Variants in ADAMTS6 observed in about 807,000 individuals in gnomAD.
ADAMTS6 encodes the protein ADAM metallopeptidase with thrombospondin type 1 motif 6.
In ADAMTS6, 23 loss-of-function variants were observed where a neutral mutation model predicts 144.3. The ratio of observed to expected loss-of-function variants is 0.16; its 90% CI spans 0.11 to 0.23. ADAMTS6 has a LOEUF of 0.23. Among genes scored for constraint, ADAMTS6 ranks in the 10% least tolerant of loss-of-function variants. ADAMTS6 has a pLI of 1.00. For synonymous variants in ADAMTS6, 444 were observed against 457.5 expected (o/e 0.97, Z 0.38); for missense variants, 999 against 1,379.6 (o/e 0.72, Z 4.37).
At chr5:65,364,474 A>G (rs1195210968) in intron 7 of ADAMTS6, among the ~76,000 whole-genome samples, 1 of 152,010 alleles carries the variant, frequency 6.6e-6, no homozygotes, top group African/African-American at 2.4e-5. Flanking sequence ...TGGAGTTTTG[A>G]AACACAGCGC....
chr5:65,397,386 T>C (rs888709162), intron 7 of ADAMTS6, among the ~76,000 whole-genome samples: 1 of 152,210 alleles, frequency 6.6e-6, no homozygotes, highest in Admixed American at 6.5e-5. Context: ...CTTTATCTAG[T>C]TACCTAAAAT....
At chr5:65,401,094 T>A (rs1453373719) in intron 7 of ADAMTS6, among the ~76,000 whole-genome samples, 2 of 152,184 alleles carry the variant, frequency 1.3e-5, no homozygotes, top group East Asian at 3.9e-4. Context: ...TCAGTATGCC[T>A]TGTAATTTTT....
At chr5:65,423,783 A>T (rs1263384966) in intron 7 of ADAMTS6, among the ~76,000 whole-genome samples, 1 of 152,162 alleles carries the variant, frequency 6.6e-6, no homozygotes, top group Non-Finnish European at 1.5e-5. Context: ...ACAGAATGTA[A>T]ACTATCAACA....
chr5:65,276,139 G>A (rs1319166902), intron 11 of ADAMTS6, among the ~76,000 whole-genome samples: 1 of 152,128 alleles, frequency 6.6e-6, no homozygotes, highest in Non-Finnish European at 1.5e-5. Context: ...CAAAGTAGCA[G>A]GTGCTTAAGA....
chr5:65,397,780 G>A (rs892212346), intron 7 of ADAMTS6, among the ~76,000 whole-genome samples: 1 of 151,518 alleles, frequency 6.6e-6, no homozygotes, highest in Non-Finnish European at 1.5e-5. Context: ...AGGAGGTTGA[G>A]GTGGGAGGAT....
At chr5:65,160,532 C>T (rs1752699942) in intron 24 of ADAMTS6, among the ~76,000 whole-genome samples, 1 of 152,092 alleles carries the variant, frequency 6.6e-6, no homozygotes, top group Non-Finnish European at 1.5e-5. Flanking sequence ...TCTCAATCTC[C>T]TGACCTCGTG....
intron 7 of ADAMTS6, among the ~76,000 whole-genome samples, chr5:65,367,920 T>C (rs954323328): frequency 6.6e-6 from 1 of 151,934 alleles, no homozygotes; most frequent in Admixed American, 6.6e-5. Flanking sequence ...ATATGACCAA[T>C]CACATAAAAT....
At chr5:65,389,625 C>T (rs1415439556) in intron 7 of ADAMTS6, among the ~76,000 whole-genome samples, 1 of 151,380 alleles carries the variant, frequency 6.6e-6, no homozygotes, top group Non-Finnish European at 1.5e-5. Flanking sequence ...ATACATAGTA[C>T]CTAGCCAAAG....
At chr5:65,421,293 T>C (rs1756018353) in intron 7 of ADAMTS6, among the ~76,000 whole-genome samples, 1 of 152,218 alleles carries the variant, frequency 6.6e-6, no homozygotes, top group South Asian at 2.1e-4. Context: ...TTTGCTTGTC[T>C]GAAAAAGACT....
At chr5:65,242,674 C>G (rs1285644102) in intron 14 of ADAMTS6, among the ~76,000 whole-genome samples, 1 of 152,070 alleles carries the variant, frequency 6.6e-6, no homozygotes, top group Non-Finnish European at 1.5e-5. Context: ...ACTACTATAG[C>G]TATTTACTGT....
chr5:65,359,386 A>G (rs997728872), intron 7 of ADAMTS6, among the ~76,000 whole-genome samples: 3 of 152,218 alleles, frequency 2.0e-5, no homozygotes, highest in African/African-American at 4.8e-5. Context: ...TAGAATGGCT[A>G]TCATCAAATA....
intron 7 of ADAMTS6, among the ~76,000 whole-genome samples, chr5:65,398,846 A>AAG (rs1170490833): frequency 7.0e-6 from 1 of 143,728 alleles, no homozygotes; most frequent in East Asian, 2.2e-4. Context: ...GAAAGAAAGA[A>AAG]AGAAAAAGAA....
At chr5:65,401,648 G>A (rs1753924097) in intron 7 of ADAMTS6, among the ~76,000 whole-genome samples, 1 of 152,168 alleles carries the variant, frequency 6.6e-6, no homozygotes. Context: ...TCCTATCCCA[G>A]CACTGGTTTC....
chr5:65,155,807 G>C (rs1374968918), intron 24 of ADAMTS6, among the ~76,000 whole-genome samples: 4 of 152,160 alleles, frequency 2.6e-5, no homozygotes, highest in African/African-American at 9.6e-5. Flanking sequence ...TGACAACACT[G>C]ATAAATCAAC....
chr5:65,207,497 G>C (rs1756188980), intron 20 of ADAMTS6, among the ~76,000 whole-genome samples: 1 of 152,014 alleles, frequency 6.6e-6, no homozygotes, highest in South Asian at 2.1e-4. Flanking sequence ...TCAGTTAATG[G>C]GCTTTGGAAG....
chr5:65,298,202 C>T (rs1158157254), intron 10 of ADAMTS6, among the ~76,000 whole-genome samples: 1 of 151,998 alleles, frequency 6.6e-6, no homozygotes, highest in Non-Finnish European at 1.5e-5. Flanking sequence ...ACAACTGGTC[C>T]TTGTATTTAG....
intron 4 of ADAMTS6, among the ~76,000 whole-genome samples, chr5:65,457,943 T>C (rs982817552): frequency 2.0e-4 from 31 of 151,926 alleles, no homozygotes; most frequent in Non-Finnish European, 4.0e-4. Flanking sequence ...GCCAGGATGG[T>C]CTCGATCTCC....
intron 18 of ADAMTS6, among the ~76,000 whole-genome samples, chr5:65,216,030 C>A (rs148268414): frequency 6.6e-6 from 1 of 152,196 alleles, no homozygotes; most frequent in African/African-American, 2.4e-5. Context: ...CAAAAAAATG[C>A]TGAATTTATA....
In ADAMTS6 at chr5:65,466,809, G is replaced by A. The variant is rs566847613; in HGVS notation, c.462+3969C>T. On this transcript the variant is annotated intron_variant, in intron 3 of 24. Coordinates refer to ENST00000381055, the MANE Select transcript of ADAMTS6 (RefSeq NM_197941.4). Reference sequence around the variant, plus strand: ...TGTAATCCCAGCACTTTGGGAGGCCGAGGTGGGCGGATCACGAGGTCAGGA... The same window carrying A: ...TGTAATCCCAGCACTTTGGGAGGCCAAGGTGGGCGGATCACGAGGTCAGGA... Among the ~76,000 whole-genome samples, 199 of 152,250 alleles carry A rather than the reference G, an allele frequency of 1.3e-3. 1 individual carries two copies. Among genetic ancestry groups the A allele is most frequent in the African/African-American group, 4.5e-3 (188 of 41,554 alleles).
Sources: allele counts gnomAD v4.1 joint callset (sites outside exome capture counted in the v4.1 genomes callset), GRCh38; gene constraint gnomAD v4.1.1; transcripts MANE v1.5; gene names NCBI Gene and HGNC (gene_info 2026-07-23, HGNC 2026-07-21).